GRM8: variants seen among roughly 807,000 people sequenced by gnomAD.
The protein encoded by GRM8 is glutamate metabotropic receptor 8.
A neutral mutation model predicts 87.2 loss-of-function variants in GRM8; 47 were observed. The observed-to-expected ratio is 0.54, with a 90% CI of 0.43 to 0.69. The LOEUF is 0.69. Ranked by LOEUF, GRM8 falls within the 30% of genes least tolerant of loss-of-function variation. GRM8 has a pLI of 0.00. For synonymous variants in GRM8, 396 were observed against 404.5 expected (o/e 0.98, Z 0.25); for missense variants, 1,019 against 1,139.2 (o/e 0.89, Z 1.52).
At chr7:126,928,217 G>C (rs1450267739) in intron 3 of GRM8, among the ~76,000 whole-genome samples, 1 of 132,064 alleles carries the variant, frequency 7.6e-6, no homozygotes, top group African/African-American at 2.8e-5. Flanking sequence ...GCAGCATGTT[G>C]GGGGGTGGGG....
intron 3 of GRM8, chr7:127,076,089 G>A (rs1411175521): frequency 4.5e-6 from 2 of 441,822 alleles, no homozygotes; most frequent in Admixed American, 5.1e-5. Flanking sequence ...AGAAACTTGA[G>A]AAAGGTGGTC....
At chr7:126,826,871 T>C (rs186232408) in intron 6 of GRM8, among the ~76,000 whole-genome samples, 1 of 151,700 alleles carries the variant, frequency 6.6e-6, no homozygotes. Context: ...AATTTTTGTA[T>C]TAATTGAATT....
At chr7:127,097,545 C>T (rs1824786418) in intron 3 of GRM8, among the ~76,000 whole-genome samples, 1 of 152,210 alleles carries the variant, frequency 6.6e-6, no homozygotes, top group Non-Finnish European at 1.5e-5. Context: ...CACCAGGCAA[C>T]ATACCTACCA....
intron 7 of GRM8, among the ~76,000 whole-genome samples, chr7:126,766,627 T>C (rs773338891): frequency 2.0e-5 from 3 of 152,136 alleles, no homozygotes; most frequent in Non-Finnish European, 2.9e-5. Context: ...CAACTGGCAA[T>C]AGCTAGGCTA....
chr7:127,195,494 A>G (rs569325531), intron 2 of GRM8, among the ~76,000 whole-genome samples: 43 of 152,290 alleles, frequency 2.8e-4, no homozygotes, highest in African/African-American at 9.6e-4. Flanking sequence ...CTACCTTGTC[A>G]AGTCAGGCCT....
At chr7:126,852,539 G>C (rs1797305626) in intron 6 of GRM8, among the ~76,000 whole-genome samples, 1 of 152,158 alleles carries the variant, frequency 6.6e-6, no homozygotes, top group African/African-American at 2.4e-5. Flanking sequence ...TAAATGAAAA[G>C]AAAGAGCTGA....
At chr7:127,025,411 T>A (rs1054615150) in intron 3 of GRM8, among the ~76,000 whole-genome samples, 2 of 152,122 alleles carry the variant, frequency 1.3e-5, no homozygotes, top group African/African-American at 4.8e-5. Flanking sequence ...TCTATTTTGC[T>A]TGACTGCTAT....
chr7:126,752,958 G>A (rs1312111613), intron 7 of GRM8, among the ~76,000 whole-genome samples: 1 of 152,036 alleles, frequency 6.6e-6, no homozygotes, highest in East Asian at 1.9e-4. Flanking sequence ...ATCCTCCTGA[G>A]GACAGGGATT....
At chr7:127,023,458 C>T (rs1056097968) in intron 3 of GRM8, among the ~76,000 whole-genome samples, 1 of 152,036 alleles carries the variant, frequency 6.6e-6, no homozygotes, top group African/African-American at 2.4e-5. Flanking sequence ...GCAAAAGGGA[C>T]AGACACTGAA....
intron 7 of GRM8, among the ~76,000 whole-genome samples, chr7:126,663,906 C>G (rs1805483843): frequency 6.6e-6 from 1 of 152,184 alleles, no homozygotes; most frequent in Admixed American, 6.6e-5. Flanking sequence ...TCAGACTCCA[C>G]CAAAAGGCTC....
intron 3 of GRM8, among the ~76,000 whole-genome samples, chr7:127,040,244 C>T (rs1035212257): frequency 6.6e-6 from 1 of 152,032 alleles, no homozygotes; most frequent in African/African-American, 2.4e-5. Context: ...AAGAACAGTT[C>T]ACGGGCAGCA....
At chr7:126,609,755 C>A (rs1257012038) in intron 7 of GRM8, among the ~76,000 whole-genome samples, 2 of 152,142 alleles carry the variant, frequency 1.3e-5, no homozygotes, top group Admixed American at 6.5e-5. Flanking sequence ...TTAAGCAATG[C>A]ACATAACAGC....
chr7:126,766,181 A>G (rs1818174893), intron 7 of GRM8, among the ~76,000 whole-genome samples: 1 of 152,092 alleles, frequency 6.6e-6, no homozygotes, highest in Non-Finnish European at 1.5e-5. Flanking sequence ...AGCATACCAC[A>G]TACCTGGTTA....
chr7:127,211,090 T>C lies in GRM8; in HGVS notation c.510+31605A>G, dbSNP rs1796187134. ...GGAGGGACAGGACTAATAGGATAGA[T>C]GTATATATGAAGGGAGGTTTATTAA... is the stretch of plus-strand genomic sequence containing the variant. On this transcript the variant is annotated intron_variant, in intron 2 of 10. Coordinates refer to ENST00000339582, the MANE Select transcript of GRM8 (RefSeq NM_000845.3). 2.0e-5 allele frequency among the ~76,000 whole-genome samples: 3 copies of C among 152,130 alleles called. No individual in the cohort carries two copies. The South Asian group carries it at 6.2e-4, about 31-fold the overall frequency.
At chr7:127,015,119 A>G (rs1389941714) in intron 3 of GRM8, among the ~76,000 whole-genome samples, 2 of 141,898 alleles carry the variant, frequency 1.4e-5, no homozygotes, top group African/African-American at 5.2e-5. Context: ...GAAGAAGGAG[A>G]AGAAGGAGAA....
At chr7:126,632,962 T>G in intron 7 of GRM8, among the ~76,000 whole-genome samples, 1 of 152,182 alleles carries the variant, frequency 6.6e-6, no homozygotes, top group Middle Eastern at 3.4e-3. Flanking sequence ...ATTATTTTTG[T>G]TAGTAAAGTG....
At chr7:126,504,069 T>C (rs1443791118) in intron 9 of GRM8, among the ~76,000 whole-genome samples, 29 of 152,054 alleles carry the variant, frequency 1.9e-4, no homozygotes, top group African/African-American at 4.8e-5. Flanking sequence ...TCTTCACTAA[T>C]ATTTTCCTTT....
chr7:126,793,128 T>C (rs1821547169), intron 6 of GRM8, among the ~76,000 whole-genome samples: 1 of 152,202 alleles, frequency 6.6e-6, no homozygotes. Context: ...AGTTTTCCTA[T>C]CAGCTTGTTT....
intron 2 of GRM8, chr7:127,228,966 T>G (rs1041394036): frequency 1.3e-5 from 2 of 152,226 alleles, no homozygotes; most frequent in African/African-American, 4.8e-5. Flanking sequence ...TCATAACATT[T>G]TTTAAAAATA....
Sources: allele counts gnomAD v4.1 joint callset (sites outside exome capture counted in the v4.1 genomes callset), GRCh38; gene constraint gnomAD v4.1.1; transcripts MANE v1.5; gene names NCBI Gene and HGNC (gene_info 2026-07-23, HGNC 2026-07-21).